MAPT: variants seen among roughly 807,000 people sequenced by gnomAD.
MAPT encodes the protein microtubule-associated protein tau.
In MAPT, 34 loss-of-function variants were observed where a neutral mutation model predicts 67.9. The ratio of observed to expected loss-of-function variants is 0.50; its 90% confidence interval spans 0.38 to 0.67. MAPT has a LOEUF of 0.67. Among genes scored for constraint, MAPT ranks in the 30% least tolerant of loss-of-function variants. The probability of loss-of-function intolerance (pLI) is 0.00; values close to 1 mark genes in which losing one functional copy is unlikely to be tolerated. For missense variants in MAPT, 881 were observed against 1,115.2 expected, an observed-to-expected ratio of 0.79 and a Z score of 2.99; for synonymous variants, 456 against 464.5, an observed-to-expected ratio of 0.98 and a Z score of 0.23.
intron 1 of MAPT, among the ~76,000 whole-genome samples, chr17:45,940,965 A>T (rs2067796651): frequency 6.6e-6 from 1 of 152,190 alleles, no homozygotes; most frequent in African/African-American, 2.4e-5. Flanking sequence ...AACTCTCCCC[A>T]GTGATGAGGG....
At chr17:45,956,613 A>T (rs1323995918) in intron 1 of MAPT, among the ~76,000 whole-genome samples, 1 of 138,140 alleles carries the variant, frequency 7.2e-6, no homozygotes, top group Non-Finnish European at 1.5e-5. Flanking sequence ...TTTTATTATT[A>T]TACTTTAAGT....
At chr17:45,908,622 G>A (rs2064505781) in intron 1 of MAPT, among the ~76,000 whole-genome samples, 1 of 152,162 alleles carries the variant, frequency 6.6e-6, no homozygotes. Flanking sequence ...GGGAGTGATG[G>A]GGAACAGAGA....
At chr17:45,962,291 AG>A in intron 1 of MAPT, 29 bp from the exon 2 acceptor site, 1 of 1,602,346 alleles carries the variant, frequency 6.2e-7, no homozygotes, top group Non-Finnish European at 8.5e-7. Flanking sequence ...AACACTCCTC[AG>A]AACTTATCCT....
At chr17:45,992,053 T>A (rs1271699643) in intron 8 of MAPT, among the ~76,000 whole-genome samples, 2 of 152,086 alleles carry the variant, frequency 1.3e-5, no homozygotes, top group African/African-American at 4.8e-5. Context: ...CCCAAAGTGC[T>A]GGGATTACAG....
intron 1 of MAPT, among the ~76,000 whole-genome samples, chr17:45,942,007 C>T (rs1013606026): frequency 2.6e-5 from 4 of 151,922 alleles, no homozygotes; most frequent in Admixed American, 6.6e-5. Flanking sequence ...GACTCTGTAA[C>T]GAGAGCATTT....
At chr17:45,982,836 C>G in intron 4 of MAPT, 30 bp from the exon 5 acceptor site, 1 of 1,222,010 alleles carries the variant, frequency 8.2e-7, no homozygotes, top group Non-Finnish European at 1.0e-6. Context: ...CCCTTGCTAA[C>G]CTTTTGCTAT....
At chr17:45,924,356 C>T (rs938462402) in intron 1 of MAPT, among the ~76,000 whole-genome samples, 3 of 152,246 alleles carry the variant, frequency 2.0e-5, no homozygotes. Flanking sequence ...CTCAGTTCCT[C>T]ACCATTAGCA....
intron 2 of MAPT, among the ~76,000 whole-genome samples, chr17:45,967,225 G>A (rs2071175399): frequency 6.6e-6 from 1 of 152,194 alleles, no homozygotes; most frequent in South Asian, 2.1e-4. Context: ...AGGTGTTGAT[G>A]AGTTAACTTG....
At chr17:45,917,174 A>C (rs1413663198) in intron 1 of MAPT, among the ~76,000 whole-genome samples, 5 of 152,178 alleles carry the variant, frequency 3.3e-5, no homozygotes, top group African/African-American at 1.2e-4. Flanking sequence ...CCTCCTGCCC[A>C]ACTCCTCCTT....
chr17:45,954,671 G>A (rs948742624), intron 1 of MAPT, among the ~76,000 whole-genome samples: 6 of 151,968 alleles, frequency 3.9e-5, no homozygotes, highest in African/African-American at 1.5e-4. Flanking sequence ...ATATAAAAAG[G>A]AATCAATTTA....
chr17:46,020,108 A>G (rs962964529), intron 12 of MAPT, among the ~76,000 whole-genome samples: 10 of 151,962 alleles, frequency 6.6e-5, no homozygotes, highest in African/African-American at 9.7e-5. Context: ...GCTGTGGCGC[A>G]CCAAGAACAA....
chr17:45,974,052 A>G, intron 3 of MAPT: 1 of 385,580 alleles, frequency 2.6e-6, no homozygotes, highest in South Asian at 2.5e-5. Context: ...ATATAGTTGT[A>G]AGCAATCATC....
chr17:46,016,832 T>C (rs1598402605), intron 11 of MAPT, among the ~76,000 whole-genome samples: 1 of 152,220 alleles, frequency 6.6e-6, no homozygotes, highest in African/African-American at 2.4e-5. Flanking sequence ...GTGATGGAAA[T>C]ATTCTGTATC....
At chr17:45,966,284 T>C (rs1043014382) in intron 2 of MAPT, among the ~76,000 whole-genome samples, 4 of 152,172 alleles carry the variant, frequency 2.6e-5, no homozygotes, top group Non-Finnish European at 5.9e-5. Flanking sequence ...AATAACAAGT[T>C]CGTTTAAAAT....
chr17:45,958,880 T>C (rs539487809), intron 1 of MAPT, among the ~76,000 whole-genome samples: 1 of 151,942 alleles, frequency 6.6e-6, no homozygotes, highest in African/African-American at 2.4e-5. Flanking sequence ...TTGGCCAACA[T>C]GGTGAAATCC....
Position 46,024,266 on chromosome 17 carries a change from C to T in MAPT, c.*95C>T, listed in dbSNP as rs767268996. 1 of 1,127,576 alleles carries T rather than the reference C, an allele frequency of 8.9e-7. No homozygotes were observed. Among genetic ancestry groups the T allele is most frequent in the Non-Finnish European group, 1.3e-6 (1 of 765,210 alleles). 69.8% of individuals were successfully genotyped at this position (1,127,576 alleles called of 1,614,324 possible). Reference sequence around the variant, plus strand: ...TGACCCGGCCCCCGCCCTCTGCCCCCAGCTGCTCCTCGCAGTTCGGTTAAT... The same window carrying T: ...TGACCCGGCCCCCGCCCTCTGCCCCTAGCTGCTCCTCGCAGTTCGGTTAAT... On this transcript the variant is annotated 3_prime_UTR_variant, in exon 13 of 13. Coordinates refer to ENST00000262410, the MANE Select transcript of MAPT (RefSeq NM_001377265.1).
At chr17:45,935,878 A>G (rs1488463534) in intron 1 of MAPT, among the ~76,000 whole-genome samples, 1 of 152,174 alleles carries the variant, frequency 6.6e-6, no homozygotes, top group Non-Finnish European at 1.5e-5. Context: ...CAGCTCCAGC[A>G]ACCTCTGTCT....
intron 5 of MAPT, 126 bp from the exon 6 acceptor site, chr17:45,986,914 G>A: frequency 1.3e-6 from 1 of 768,528 alleles, no homozygotes; most frequent in Non-Finnish European, 2.2e-6. Context: ...GAACCAACTG[G>A]GTTTCCACCA....
intron 7 of MAPT, 152 bp downstream of exon 7, chr17:45,990,227 G>A: frequency 1.3e-6 from 1 of 747,406 alleles, no homozygotes; most frequent in South Asian, 1.7e-5. Flanking sequence ...CTGGGCAAAG[G>A]GGAAAAGAGA....
Sources: allele counts gnomAD v4.1 joint callset (sites outside exome capture counted in the v4.1 genomes callset), GRCh38; gene constraint gnomAD v4.1.1; transcripts MANE v1.5; gene names NCBI Gene and HGNC (gene_info 2026-07-23, HGNC 2026-07-21).